Variants in TENM2 observed in about 807,000 individuals in gnomAD.
TENM2 encodes teneurin-2.
TENM2 carries 52 observed loss-of-function variants against 245.2 expected under a neutral mutation model. The ratio of observed to expected loss-of-function variants is 0.21; its 90% CI spans 0.17 to 0.27. The LOEUF (loss-of-function observed/expected upper bound fraction) is 0.27. TENM2 is among the 10% of genes least tolerant of loss of function. The pLI is 1.00. For missense variants in TENM2, 3,046 were observed against 3,666.8 expected, an observed-to-expected ratio of 0.83 and a Z score of 4.37; for synonymous variants, 1,363 against 1,438.9, an observed-to-expected ratio of 0.95 and a Z score of 1.19.
At chr5:168,030,789 G>A (rs1334059254) in intron 5 of TENM2, among the ~76,000 whole-genome samples, 1 of 152,142 alleles carries the variant, frequency 6.6e-6, no homozygotes, top group Non-Finnish European at 1.5e-5. Flanking sequence ...TCAGATATCG[G>A]ATTAAAAGAA....
intron 12 of TENM2, chr5:168,149,335 G>C (rs980935535): frequency 6.6e-5 from 30 of 456,340 alleles, no homozygotes; most frequent in African/African-American, 4.8e-4. Flanking sequence ...ACTTGGAGAG[G>C]AGGGCAGAAT....
chr5:167,256,542 A>T, the TENM2 span, among the ~76,000 whole-genome samples: 10 of 152,168 alleles, frequency 6.6e-5, no homozygotes, highest in African/African-American at 2.2e-4. Context: ...TGGGACTAAA[A>T]CTATGTTATT....
intron 13 of TENM2, among the ~76,000 whole-genome samples, chr5:168,183,076 C>T (rs911551972): frequency 3.9e-5 from 6 of 152,062 alleles, no homozygotes; most frequent in East Asian, 1.9e-4. Context: ...ATGATCCACC[C>T]GCCTCGGCTT....
chr5:167,802,796 G>GAGTA (rs76695830), intron 2 of TENM2, among the ~76,000 whole-genome samples: 147 of 152,234 alleles, frequency 9.7e-4, no homozygotes, highest in Non-Finnish European at 1.6e-3. Flanking sequence ...ATGTTGGCTT[G>GAGTA]AGTAAGTGTA....
At chr5:167,850,480 C>T (rs1770475469) in intron 2 of TENM2, among the ~76,000 whole-genome samples, 1 of 152,064 alleles carries the variant, frequency 6.6e-6, no homozygotes, top group Non-Finnish European at 1.5e-5. Context: ...CGGGACTGTA[C>T]TAGAATATAA....
At chr5:167,852,658 C>T (rs573100176) in intron 2 of TENM2, among the ~76,000 whole-genome samples, 1 of 152,294 alleles carries the variant, frequency 6.6e-6, no homozygotes, top group Admixed American at 6.5e-5. Flanking sequence ...TTTTTGCTTT[C>T]GTGTCTCTAT....
At chr5:167,436,038 C>T (rs1338095486) in intron 2 of TENM2, among the ~76,000 whole-genome samples, 1 of 140,798 alleles carries the variant, frequency 7.1e-6, no homozygotes, top group Non-Finnish European at 1.5e-5. Flanking sequence ...AGTGCAGTGG[C>T]ACCATCTTGG....
chr5:167,874,628 A>G (rs988872551), intron 2 of TENM2, among the ~76,000 whole-genome samples: 13 of 152,220 alleles, frequency 8.5e-5, no homozygotes, highest in Non-Finnish European at 1.5e-4. Flanking sequence ...ATTTTCCTGA[A>G]CTTCCCAAAT....
chr5:167,370,753 T>A (rs1005730595), intron 1 of TENM2, among the ~76,000 whole-genome samples: 1 of 152,240 alleles, frequency 6.6e-6, no homozygotes, highest in African/African-American at 2.4e-5. Context: ...AAATAATACA[T>A]ATGTATTCCA....
chr5:167,862,342 A>G (rs546994205), intron 2 of TENM2, among the ~76,000 whole-genome samples: 1 of 152,212 alleles, frequency 6.6e-6, no homozygotes, highest in Non-Finnish European at 1.5e-5. Flanking sequence ...AAACATCTTC[A>G]TTATCCAGCA....
At chr5:168,154,005 G>T (rs1471871153) in intron 12 of TENM2, among the ~76,000 whole-genome samples, 6 of 152,104 alleles carry the variant, frequency 3.9e-5, no homozygotes, top group Non-Finnish European at 7.4e-5. Flanking sequence ...GAAAGCACAG[G>T]CCAGGCTGGA....
At chr5:167,998,194 C>T (rs1043619556) in intron 5 of TENM2, among the ~76,000 whole-genome samples, 1 of 152,198 alleles carries the variant, frequency 6.6e-6, no homozygotes, top group African/African-American at 2.4e-5. Flanking sequence ...GCCTAGTACT[C>T]ATTTGTCCTC....
In TENM2 at chr5:168,247,114, T is replaced by G; in HGVS notation, c.6175T>G (p.Phe2059Val). 1 of 1,613,910 alleles carries G rather than the reference T, an allele frequency of 6.2e-7. No homozygotes were observed. The highest frequency in any genetic ancestry group is 8.5e-7 in the Non-Finnish European group (1 of 1,179,876). ...GATGGTCAACCTCCAAAGTGGGGGC[T>G]TCTCCTGCACCATCAGGTACCGGAA... Residue 2059 changes from phenylalanine (F) to valine (V), a missense_variant, in exon 27 of 29, where the codon TTC (phenylalanine) becomes GTC (valine). By Grantham distance (50) the Phe-to-Val change is conservative. Transcript: ENST00000518659. This position sits in a 1 kb window ranked among gnomAD's most constrained non-coding sequence, Gnocchi z 7.8.
the TENM2 span, among the ~76,000 whole-genome samples, chr5:167,210,233 G>A: frequency 6.6e-6 from 1 of 152,084 alleles, no homozygotes. Flanking sequence ...TACAAGACTG[G>A]AACAGAAACA....
At chr5:167,106,936 AAAAG>A in the TENM2 span, among the ~76,000 whole-genome samples, 1 of 152,078 alleles carries the variant, frequency 6.6e-6, no homozygotes, top group Non-Finnish European at 1.5e-5. Context: ...AACAAAAAGA[AAAAG>A]AAGAAGAAAA....
At chr5:167,688,208 A>C (rs1265556081) in intron 2 of TENM2, among the ~76,000 whole-genome samples, 3 of 152,176 alleles carry the variant, frequency 2.0e-5, no homozygotes, top group African/African-American at 7.2e-5. Flanking sequence ...CCCCTCTGTC[A>C]TACTGCTTCT....
chr5:167,938,707 G>A (rs1042894149), intron 3 of TENM2: 1 of 152,172 alleles, frequency 6.6e-6, no homozygotes, highest in Non-Finnish European at 1.5e-5. Context: ...TAAGAATTGA[G>A]GCCAAGGCAG....
intron 1 of TENM2, chr5:167,307,823 C>T (rs1354965994): frequency 6.6e-6 from 1 of 152,204 alleles, no homozygotes; most frequent in Non-Finnish European, 1.5e-5. Context: ...CTCCAGTATC[C>T]ATACAATGTT....
At chr5:167,244,144 A>G in the TENM2 span, among the ~76,000 whole-genome samples, 1 of 152,176 alleles carries the variant, frequency 6.6e-6, no homozygotes, top group Non-Finnish European at 1.5e-5. Flanking sequence ...CCAAGAACTT[A>G]TGTCATCCTT....
Sources: gnomAD v4.1 joint callset for allele counts (sites outside exome capture counted in the v4.1 genomes callset) on GRCh38, gnomAD v4.1.1 for gene constraint, Gnocchi (gnomAD v3.1) non-coding constraint, MANE v1.5 for transcripts, NCBI Gene and HGNC (gene_info 2026-07-23, HGNC 2026-07-21) for gene names.